Variants in PLCB1 observed in about 807,000 individuals in gnomAD.
The protein encoded by PLCB1 is 1-phosphatidylinositol 4,5-bisphosphate phosphodiesterase beta-1.
In PLCB1, 46 loss-of-function variants were observed where a neutral mutation model predicts 161.8. That is an observed-to-expected ratio of 0.28 (90% CI 0.22 to 0.36). The LOEUF (loss-of-function observed/expected upper bound fraction) is 0.36. Ranked by LOEUF, PLCB1 falls within the 10% of genes least tolerant of loss-of-function variation. PLCB1 has a pLI of 1.00. For synonymous variants in PLCB1, 517 were observed against 503.7 expected (o/e 1.03, Z -0.35); for missense variants, 1,016 against 1,472.5 (o/e 0.69, Z 5.07).
chr20:8,163,939 A>G (rs1216074490), intron 2 of PLCB1, among the ~76,000 whole-genome samples: 3 of 152,208 alleles, frequency 2.0e-5, no homozygotes, highest in Admixed American at 1.3e-4. Flanking sequence ...CAGTGGGCCT[A>G]TTGGAGTGCT....
rs980619898 is a variant in PLCB1 at position 8,684,841 on chromosome 20, A to G, written c.863-91A>G. On this transcript the variant is annotated intron_variant, in intron 9 of 31. Coordinates refer to ENST00000338037, the MANE Select transcript of PLCB1 (RefSeq NM_015192.4). ...TAAAATGTCTTCTACCTTGGACACT[A>G]CAAGATATTTCTGGAAAAAAAAAAA... The G allele has an allele frequency of 9.5e-6, 9 of 944,726 alleles. No individual in the cohort carries two copies. The Admixed American group carries it at 1.4e-4, about 14-fold the overall frequency. 58.5% of individuals were successfully genotyped at this position (944,726 alleles called of 1,614,324 possible). A position where few individuals can be genotyped will look rare whatever the true frequency, so the allele number is the denominator to read the frequency against.
At chr20:8,623,970 A>G (rs911298325) in intron 3 of PLCB1, 1 of 152,196 alleles carries the variant, frequency 6.6e-6, no homozygotes, top group Non-Finnish European at 1.5e-5. Context: ...TCTGTGTTTT[A>G]TTTTCTGAGA....
chr20:8,502,556 G>C lies in PLCB1; in HGVS notation c.247-125738G>C, dbSNP rs560201412. The stretch of plus-strand genomic sequence containing the variant: ...TCCTACTTAAGTTCATCTATCTATC[G>C]AACATTTCTATGTTCTAGTTATTCT... On this transcript the variant is annotated intron_variant, in intron 3 of 31. Transcript: ENST00000338037. 2.6e-5 allele frequency among the ~76,000 whole-genome samples: 4 copies of C among 151,808 alleles called. No individual in the cohort carries two copies. In the South Asian group the frequency reaches 8.3e-4, roughly 32 times the overall value.
At chr20:8,368,397 G>A (rs1023437330) in intron 2 of PLCB1, among the ~76,000 whole-genome samples, 1 of 151,630 alleles carries the variant, frequency 6.6e-6, no homozygotes, top group Non-Finnish European at 1.5e-5. Context: ...GCATTGTGGT[G>A]TGTGCCTGTA....
chr20:8,710,149 G>T (rs1978916934), intron 12 of PLCB1, among the ~76,000 whole-genome samples: 1 of 149,524 alleles, frequency 6.7e-6, no homozygotes, highest in Non-Finnish European at 1.5e-5. Context: ...TGTACAGGAA[G>T]CATGGTGGCA....
chr20:8,558,379 AC>A (rs1350026714), intron 3 of PLCB1, among the ~76,000 whole-genome samples: 1 of 151,750 alleles, frequency 6.6e-6, no homozygotes, highest in Non-Finnish European at 1.5e-5. Flanking sequence ...GATAAATGAA[AC>A]CATGGACAAA....
chr20:8,308,621 A>AC (rs1015528655), intron 2 of PLCB1, among the ~76,000 whole-genome samples: 1 of 135,488 alleles, frequency 7.4e-6, no homozygotes, highest in African/African-American at 3.4e-5. Context: ...CGTATATCAA[A>AC]AAAAAAAAAA....
intron 9 of PLCB1, among the ~76,000 whole-genome samples, chr20:8,669,591 T>C (rs1371170865): frequency 1.3e-5 from 2 of 152,152 alleles, no homozygotes; most frequent in South Asian, 2.1e-4. Context: ...AACCCTTGAG[T>C]AAGACAATGA....
At chr20:8,273,027 G>A (rs989249281) in intron 2 of PLCB1, among the ~76,000 whole-genome samples, 1 of 152,086 alleles carries the variant, frequency 6.6e-6, no homozygotes, top group African/African-American at 2.4e-5. Context: ...TAAAAGTAAA[G>A]CAATGACAAT....
intron 9 of PLCB1, among the ~76,000 whole-genome samples, chr20:8,681,281 C>A (rs1390621499): frequency 6.6e-6 from 1 of 151,314 alleles, no homozygotes; most frequent in Non-Finnish European, 1.5e-5. Context: ...AAGTGTACAC[C>A]TTCACTTTTC....
chr20:8,659,617 A>G (rs745573971), intron 9 of PLCB1, among the ~76,000 whole-genome samples: 7 of 152,208 alleles, frequency 4.6e-5, no homozygotes, highest in Admixed American at 6.6e-5. Context: ...AAGAATGATT[A>G]TCATAAAAGT....
chr20:8,617,017 A>G (rs1034027397), intron 3 of PLCB1, among the ~76,000 whole-genome samples: 5 of 152,166 alleles, frequency 3.3e-5, no homozygotes, highest in South Asian at 2.1e-4. Context: ...TCATGATGCA[A>G]TCTCCTGCTG....
chr20:8,527,939 T>C (rs750288102), intron 3 of PLCB1, among the ~76,000 whole-genome samples: 9 of 152,072 alleles, frequency 5.9e-5, no homozygotes, highest in Non-Finnish European at 1.3e-4. Context: ...CAGTAACAGA[T>C]AAAATATTAT....
At chr20:8,879,989 C>G (rs1987914840) in intron 31 of PLCB1, among the ~76,000 whole-genome samples, 1 of 152,110 alleles carries the variant, frequency 6.6e-6, no homozygotes, top group African/African-American at 2.4e-5. Context: ...CCTTGGCATC[C>G]CCCAAGAGCT....
At chr20:8,774,396 G>T in intron 26 of PLCB1, 143 bp from the exon 27 acceptor site, 1 of 697,986 alleles carries the variant, frequency 1.4e-6, no homozygotes, top group Non-Finnish European at 2.4e-6. Flanking sequence ...TGTCCTTGGG[G>T]TCTCACCCTC....
chr20:8,364,953 G>A (rs1286400732), intron 2 of PLCB1, among the ~76,000 whole-genome samples: 1 of 151,888 alleles, frequency 6.6e-6, no homozygotes, highest in East Asian at 1.9e-4. Flanking sequence ...CTTTTTCTTT[G>A]TTTATTTACA....
At chr20:8,631,896 C>A (rs1183007993) in intron 4 of PLCB1, among the ~76,000 whole-genome samples, 1 of 152,066 alleles carries the variant, frequency 6.6e-6, no homozygotes, top group East Asian at 1.9e-4. Context: ...ACAAATCATG[C>A]CTTTGGGCCA....
intron 2 of PLCB1, among the ~76,000 whole-genome samples, chr20:8,344,158 G>A (rs952929509): frequency 1.1e-4 from 16 of 152,124 alleles, no homozygotes; most frequent in African/African-American, 3.9e-4. Flanking sequence ...TGTTTTGTTG[G>A]GGGATCTTAG....
rs1382432000 is a variant in PLCB1, at chr20:8,697,756, C to T, written c.1140C>T (p.Phe380=). The change falls in exon 11 of 32, where the codon TTC becomes TTT. Residue 380 remains phenylalanine (F), a synonymous_variant. Coordinates refer to ENST00000338037, the MANE Select transcript of PLCB1 (RefSeq NM_015192.4). ...AEEEPVITHG[F]TMTTEISFKE... is the part of the protein sequence containing the mutation. Reference sequence around the variant, plus strand: ...AGGAACCTGTCATCACCCATGGCTTCACCATGACAACTGAAATATCTTTCA... The same window carrying T: ...AGGAACCTGTCATCACCCATGGCTTTACCATGACAACTGAAATATCTTTCA... 2 of 1,614,170 alleles carry T rather than the reference C, an allele frequency of 1.2e-6. No homozygotes were observed. Among genetic ancestry groups the T allele is most frequent in the South Asian group, 1.1e-5 (1 of 91,088 alleles).
Sources: allele counts gnomAD v4.1 joint callset (sites outside exome capture counted in the v4.1 genomes callset), GRCh38; gene constraint gnomAD v4.1.1; transcripts MANE v1.5; gene names NCBI Gene and HGNC (gene_info 2026-07-23, HGNC 2026-07-21).